Variants in CREB5 observed in about 807,000 individuals in gnomAD.
The protein encoded by CREB5 is cyclic AMP-responsive element-binding protein 5.
A neutral mutation model predicts 57.1 loss-of-function variants in CREB5; 19 were observed. That is an observed-to-expected ratio of 0.33 (90% CI 0.23 to 0.49). CREB5 has a LOEUF of 0.49. Among genes scored for constraint, CREB5 ranks in the 20% least tolerant of loss-of-function variants. CREB5 has a pLI of 0.99. For synonymous variants in CREB5, 238 were observed against 238.3 expected, an observed-to-expected ratio of 1.00 and a Z score of 0.01; for missense variants, 579 against 671.6, an observed-to-expected ratio of 0.86 and a Z score of 1.52.
intron 1 of CREB5, among the ~76,000 whole-genome samples, chr7:28,470,900 T>C (rs1583502828): frequency 6.6e-6 from 1 of 152,302 alleles, no homozygotes; most frequent in East Asian, 1.9e-4. Context: ...CTCTTCAAAT[T>C]TTTTGCCCAA....
chr7:28,585,935 C>T (rs1796290141), intron 5 of CREB5, among the ~76,000 whole-genome samples: 1 of 152,168 alleles, frequency 6.6e-6, no homozygotes, highest in African/African-American at 2.4e-5. Flanking sequence ...TACCTTTGAG[C>T]ATAACAGATA....
chr7:28,809,221 A>T lies in CREB5; in HGVS notation c.1061A>T (p.Gln354Leu), dbSNP rs977494423. Reference protein sequence around the residue: ...SPATQQMQPTQTIQPPQPTGG... With the variant: ...SPATQQMQPTLTIQPPQPTGG... ...GCAACACAACAGATGCAGCCAACCCAGACAATACAGCCACCCCAGCCCACA... is the reference window on the plus strand; with the variant it reads ...GCAACACAACAGATGCAGCCAACCCTGACAATACAGCCACCCCAGCCCACA... Residue 354 changes from glutamine (Q) to leucine (L), a missense_variant, in exon 9 of 11, where the codon CAG becomes CTG. Physicochemically the swap from Gln to Leu is moderately radical, Grantham distance 113. Coordinates refer to ENST00000357727, the MANE Select transcript of CREB5 (RefSeq NM_182898.4). 8 of 1,613,938 alleles carry T rather than the reference A, an allele frequency of 5.0e-6. No individual in the cohort carries two copies. The highest frequency in any genetic ancestry group is 1.7e-4 in the Middle Eastern group (1 of 6,060).
chr7:28,570,409 C>A lies in CREB5; in HGVS notation c.336C>A (p.Pro112=). 6.2e-7 allele frequency: 1 copy of A among 1,614,082 alleles called. No individual in the cohort carries two copies. The highest frequency in any genetic ancestry group is 8.5e-7 in the Non-Finnish European group (1 of 1,179,976). Residue 112 remains proline, a synonymous_variant, in exon 5 of 11, where the codon CCC becomes CCA. Transcript: ENST00000357727. ...CAGTTGGTGGGGCCATGACGGGGCC[C>A]GGAACTCACCAGCTTAGCAGCGCTC... ...HNAVGGAMTG[P]GTHQLSSARL...
At position 28,655,705 on chromosome 7, in the gene CREB5, T is replaced by G. The variant is rs552080780; in HGVS notation, c.465-63048T>G. ...TTTAAAAATGGTTAAGATGATAAAT[T>G]TTTATATTATGTGCTTTTTTATCAC... On this transcript the variant is annotated intron_variant, in intron 5 of 10. Transcript: ENST00000357727. 8.6e-4 allele frequency among the ~76,000 whole-genome samples: 131 copies of G among 152,338 alleles called. 1 individual carries two copies. The highest frequency in any genetic ancestry group is 3.1e-3 in the African/African-American group (128 of 41,580).
At chr7:28,545,876 C>T (rs1794399390) in intron 4 of CREB5, among the ~76,000 whole-genome samples, 1 of 152,190 alleles carries the variant, frequency 6.6e-6, no homozygotes, top group Non-Finnish European at 1.5e-5. Context: ...TTTTTTCACG[C>T]AACATCATTT....
At position 28,822,312 on chromosome 7, in the gene CREB5, T is replaced by A. The variant is rs1186253449; in HGVS notation, c.*3033T>A. On this transcript the variant is annotated 3_prime_UTR_variant, in exon 11 of 11. Coordinates refer to ENST00000357727, the MANE Select transcript of CREB5 (RefSeq NM_182898.4). ...TTGGTCAAATCCAACACTTGGCTTATCAATATTAAGTCTTTTACCTAAAGG... is the reference window on the plus strand; with the variant it reads ...TTGGTCAAATCCAACACTTGGCTTAACAATATTAAGTCTTTTACCTAAAGG... 6.6e-6 allele frequency: 1 copy of A among 152,396 alleles called. No homozygotes were observed. The highest frequency in any genetic ancestry group is 1.5e-5 in the Non-Finnish European group (1 of 68,036). The allele number at this position is 152,396 out of a possible 1,614,324, so 9.4% of individuals were successfully genotyped here.
intron 1 of CREB5, among the ~76,000 whole-genome samples, chr7:28,457,464 G>A (rs1248746619): frequency 6.6e-6 from 1 of 152,126 alleles, no homozygotes; most frequent in Non-Finnish European, 1.5e-5. Flanking sequence ...GAGAGTAGCT[G>A]ACCTGAAAAC....
chr7:28,602,705 G>T (rs1326972099), intron 5 of CREB5, among the ~76,000 whole-genome samples: 4 of 152,206 alleles, frequency 2.6e-5, no homozygotes, highest in Non-Finnish European at 5.9e-5. Context: ...CAGGAATTAG[G>T]TTTGGGTAGA....
At chr7:28,812,221 C>A (rs1469663910) in intron 9 of CREB5, among the ~76,000 whole-genome samples, 1 of 152,146 alleles carries the variant, frequency 6.6e-6, no homozygotes, top group East Asian at 1.9e-4. Flanking sequence ...GCTGCCAAGG[C>A]TTTAAATCAG....
chr7:28,374,132 A>G (rs918098787), intron 1 of CREB5, among the ~76,000 whole-genome samples: 2 of 152,182 alleles, frequency 1.3e-5, no homozygotes, highest in Admixed American at 6.5e-5. Context: ...TTACATTATT[A>G]GTCATCCAGA....
chr7:28,429,261 G>A (rs896280827), intron 1 of CREB5, among the ~76,000 whole-genome samples: 5 of 152,030 alleles, frequency 3.3e-5, no homozygotes, highest in African/African-American at 1.2e-4. Flanking sequence ...CCTGACCTCT[G>A]GTGATCTGCC....
chr7:28,610,234 A>G (rs1221823504), intron 5 of CREB5, among the ~76,000 whole-genome samples: 3 of 152,036 alleles, frequency 2.0e-5, no homozygotes, highest in Non-Finnish European at 4.4e-5. Context: ...CTGGGTGAAC[A>G]GTGGGGAGCT....
chr7:28,564,014 A>T (rs911556947), intron 4 of CREB5, among the ~76,000 whole-genome samples: 13 of 152,220 alleles, frequency 8.5e-5, no homozygotes, highest in Non-Finnish European at 1.2e-4. Flanking sequence ...AAATGGAGGA[A>T]TCAGGGCTCT....
intron 7 of CREB5, among the ~76,000 whole-genome samples, chr7:28,757,526 A>C (rs919771422): frequency 9.2e-5 from 14 of 152,054 alleles, no homozygotes; most frequent in African/African-American, 3.4e-4. Flanking sequence ...CAAAAAAATT[A>C]GCCAGGCGTG....
intron 5 of CREB5, among the ~76,000 whole-genome samples, chr7:28,642,389 A>C (rs1205862256): frequency 6.6e-6 from 1 of 152,206 alleles, no homozygotes; most frequent in East Asian, 1.9e-4. Context: ...TCCCAGTCCC[A>C]AGAGACATAA....
intron 4 of CREB5, among the ~76,000 whole-genome samples, chr7:28,510,571 A>G (rs941806841): frequency 5.3e-5 from 8 of 152,244 alleles, no homozygotes; most frequent in Non-Finnish European, 1.2e-4. Context: ...ATTCTGTTAA[A>G]GAGCAAATAG....
chr7:28,560,988 GTGTGTGCC>G lies in CREB5; in HGVS notation c.292-9374_292-9367del, dbSNP rs1340263707. ...TGTGTGTGTGCGTGTGTGCGTGCGT[GTGTGTGCC>G]TGCGTGTGCGTGTGTGTGTGCGTGT... On this transcript the variant is annotated intron_variant, in intron 4 of 10. Coordinates refer to ENST00000357727, the MANE Select transcript of CREB5 (RefSeq NM_182898.4). 5.6e-4 allele frequency among the ~76,000 whole-genome samples: 46 copies of G among 82,680 alleles called. 8 individuals are homozygous for G. The highest frequency in any genetic ancestry group is 1.1e-3 in the African/African-American group (30 of 26,218). 54.2% of individuals were successfully genotyped at this position (82,680 alleles called of 152,430 possible).
intron 4 of CREB5, among the ~76,000 whole-genome samples, chr7:28,514,586 G>A (rs149263770): frequency 0.013 from 2,047 of 152,188 alleles, 26 homozygotes; most frequent in Non-Finnish European, 0.021. Context: ...TAGTAGAGAC[G>A]GGATTTCACC....
chr7:28,564,014 A>G (rs911556947), intron 4 of CREB5, among the ~76,000 whole-genome samples: 1 of 152,220 alleles, frequency 6.6e-6, no homozygotes. Flanking sequence ...AAATGGAGGA[A>G]TCAGGGCTCT....
Sources: allele counts gnomAD v4.1 joint callset (sites outside exome capture counted in the v4.1 genomes callset), GRCh38; gene constraint gnomAD v4.1.1; transcripts MANE v1.5; gene names NCBI Gene and HGNC (gene_info 2026-07-23, HGNC 2026-07-21).